Variants in SCML4 observed in about 807,000 individuals in gnomAD.
SCML4 encodes sex comb on midleg-like protein 4.
A neutral mutation model predicts 41.1 loss-of-function variants in SCML4; 34 were observed. That is an observed-to-expected ratio of 0.83 (90% CI 0.63 to 1.10). The LOEUF is 1.10. Among genes scored for constraint, SCML4 ranks in the 50% least tolerant of loss-of-function variants. The pLI, the probability that SCML4 is intolerant of heterozygous loss-of-function variation, is 0.00. For synonymous variants in SCML4, 214 were observed against 220.9 expected (o/e 0.97, Z 0.28); for missense variants, 522 against 534.1 (o/e 0.98, Z 0.22).
At chr6:107,761,809 T>A (rs1178514999) in intron 2 of SCML4, among the ~76,000 whole-genome samples, 6 of 876 alleles carry the variant, frequency 6.8e-3, no homozygotes, top group African/African-American at 7.0e-3. Flanking sequence ...AAAAAAAGTC[T>A]TTTTTTTTTT....
intron 1 of SCML4, among the ~76,000 whole-genome samples, chr6:107,810,164 T>C (rs952343061): frequency 2.0e-5 from 3 of 152,088 alleles, no homozygotes; most frequent in Non-Finnish European, 2.9e-5. Context: ...GAGGAGTCTG[T>C]GGCTATTAGG....
intron 5 of SCML4, among the ~76,000 whole-genome samples, chr6:107,723,041 A>C (rs140667004): frequency 2.4e-4 from 37 of 152,302 alleles, no homozygotes; most frequent in African/African-American, 8.4e-4. Context: ...ATTGACAAAA[A>C]AATAAACAAA....
chr6:107,821,109 G>A (rs534879074), intron 1 of SCML4, among the ~76,000 whole-genome samples: 1 of 152,172 alleles, frequency 6.6e-6, no homozygotes, highest in Non-Finnish European at 1.5e-5. Context: ...GCTAATTCCA[G>A]AGAAAGTTAA....
chr6:107,758,825 T>A (rs1462209528), intron 2 of SCML4, among the ~76,000 whole-genome samples: 1 of 152,120 alleles, frequency 6.6e-6, no homozygotes, highest in African/African-American at 2.4e-5. Context: ...CCAGAAAGGA[T>A]GTTTTAGCCA....
At chr6:107,826,817 A>G (rs1785271315), upstream of SCML4, among the ~76,000 whole-genome samples, 1 of 152,240 alleles carries the variant, frequency 6.6e-6, no homozygotes, top group South Asian at 2.1e-4. Context: ...TAATCCCAGC[A>G]CTTTGGGAGG....
chr6:107,774,954 C>T (rs900139848), intron 1 of SCML4, among the ~76,000 whole-genome samples: 1 of 151,302 alleles, frequency 6.6e-6, no homozygotes, highest in African/African-American at 2.4e-5. Context: ...AAGATCGCGC[C>T]ACTGCACTCC....
upstream of SCML4, among the ~76,000 whole-genome samples, chr6:107,827,230 ATTT>A (rs1235904404): frequency 6.8e-6 from 1 of 146,984 alleles, no homozygotes. Flanking sequence ...ATATCTTTAT[ATTT>A]TTATTTAAAT....
intron 6 of SCML4, chr6:107,720,210 C>T: frequency 2.7e-6 from 2 of 752,922 alleles, no homozygotes; most frequent in Non-Finnish European, 1.6e-6. Flanking sequence ...GGCAAAATGA[C>T]CAGCTTTTGC....
chr6:107,769,957 G>C (rs1029761821), intron 2 of SCML4, among the ~76,000 whole-genome samples: 38 of 152,264 alleles, frequency 2.5e-4, no homozygotes, highest in African/African-American at 8.4e-4. Context: ...GTTAGACCAA[G>C]TAATATCTTA....
At chr6:107,757,896 T>G (rs1779242304) in intron 2 of SCML4, among the ~76,000 whole-genome samples, 1 of 152,184 alleles carries the variant, frequency 6.6e-6, no homozygotes, top group Non-Finnish European at 1.5e-5. Flanking sequence ...TGGGATCACA[T>G]CTTCAGAAAT....
At chr6:107,841,888 G>C in the SCML4 span, among the ~76,000 whole-genome samples, 87 of 152,280 alleles carry the variant, frequency 5.7e-4, no homozygotes, top group Non-Finnish European at 9.6e-4. Context: ...GGACTCTCAT[G>C]GGAAGTGGTA....
At chr6:107,777,399 A>G (rs1228629384) in intron 1 of SCML4, among the ~76,000 whole-genome samples, 1 of 152,204 alleles carries the variant, frequency 6.6e-6, no homozygotes, top group Non-Finnish European at 1.5e-5. Flanking sequence ...TACAGGCATG[A>G]GCTGCCACGC....
At chr6:107,839,511 T>G in the SCML4 span, among the ~76,000 whole-genome samples, 1 of 152,094 alleles carries the variant, frequency 6.6e-6, no homozygotes, top group African/African-American at 2.4e-5. Flanking sequence ...ATGGTTGCCA[T>G]TAGAAAGTAG....
At chr6:107,757,128 T>C (rs1371041163) in intron 2 of SCML4, among the ~76,000 whole-genome samples, 1 of 152,196 alleles carries the variant, frequency 6.6e-6, no homozygotes, top group Non-Finnish European at 1.5e-5. Flanking sequence ...CTGGGGAATC[T>C]GGAATCAGCT....
At chr6:107,841,847 A>G in the SCML4 span, among the ~76,000 whole-genome samples, 1 of 152,146 alleles carries the variant, frequency 6.6e-6, no homozygotes, top group Non-Finnish European at 1.5e-5. Context: ...ACACACCACT[A>G]TTTGCATTCA....
chr6:107,782,721 C>CAGGTGCTGGTCTGAGTTTGCCTGATGGG, intron 1 of SCML4, among the ~76,000 whole-genome samples: 2 of 142,972 alleles, frequency 1.4e-5, no homozygotes, highest in East Asian at 2.3e-4. Context: ...TGCCTGATGG[C>CAGGTGCTGGTCTGAGTTTGCCTGATGGG]AGGTGCTGGT....
At chr6:107,728,340 G>T (rs760722059) in intron 5 of SCML4, among the ~76,000 whole-genome samples, 1 of 152,196 alleles carries the variant, frequency 6.6e-6, no homozygotes, top group Non-Finnish European at 1.5e-5. Context: ...GCCAGGCACC[G>T]TGGCTCATGC....
At chr6:107,819,065 A>G in intron 1 of SCML4, among the ~76,000 whole-genome samples, 1 of 152,144 alleles carries the variant, frequency 6.6e-6, no homozygotes. Flanking sequence ...TGACAGCTGT[A>G]TGGTACTCAT....
intron 1 of SCML4, among the ~76,000 whole-genome samples, chr6:107,801,397 C>T (rs112602776): frequency 0.013 from 1,990 of 152,194 alleles, 48 homozygotes; most frequent in African/African-American, 0.046. Context: ...GTCTCCTTGG[C>T]GAGACTCCAG....
Sources: gnomAD v4.1 joint callset for allele counts (sites outside exome capture counted in the v4.1 genomes callset) on GRCh38, gnomAD v4.1.1 for gene constraint, MANE v1.5 for transcripts, NCBI Gene and HGNC (gene_info 2026-07-23, HGNC 2026-07-21) for gene names.